NR6A1: variants seen among roughly 807,000 people sequenced by gnomAD.
NR6A1 encodes the protein retinoic acid receptor-related testis-associated receptor.
In NR6A1, 7 loss-of-function variants were observed where a neutral mutation model predicts 59.1. The ratio of observed to expected loss-of-function variants is 0.12; its 90% CI spans 0.07 to 0.22. The LOEUF (loss-of-function observed/expected upper bound fraction) is 0.22, where lower values mean the gene tolerates loss of function less well. NR6A1 is among the 10% of genes least tolerant of loss of function. NR6A1 has a pLI of 1.00. For missense variants in NR6A1, 468 were observed against 611.6 expected (o/e 0.77, Z 2.48); for synonymous variants, 243 against 236.1 (o/e 1.03, Z -0.27).
chr9:124,637,755 G>T (rs942765762), intron 2 of NR6A1, among the ~76,000 whole-genome samples: 1 of 152,014 alleles, frequency 6.6e-6, no homozygotes. Flanking sequence ...AGCCGGGTGT[G>T]TTGGCACACG....
intron 2 of NR6A1, among the ~76,000 whole-genome samples, chr9:124,591,540 CAGT>C (rs994625163): frequency 6.6e-6 from 1 of 152,180 alleles, no homozygotes; most frequent in Non-Finnish European, 1.5e-5. Context: ...ACAGAAGCAG[CAGT>C]AGTTTTTGTT....
At chr9:124,598,280 T>C (rs1052429910) in intron 2 of NR6A1, among the ~76,000 whole-genome samples, 3 of 151,386 alleles carry the variant, frequency 2.0e-5, no homozygotes, top group Admixed American at 6.6e-5. Context: ...GAGGCTGCAG[T>C]GCGCTATGAT....
rs1298280409 is a variant in NR6A1, at chr9:124,538,283, C to T, written c.633G>A (p.Arg211=). Residue 211 remains arginine (R), a synonymous_variant, in exon 6 of 10, where the codon AGG becomes AGA. Coordinates refer to ENST00000487099, the MANE Select transcript of NR6A1 (RefSeq NM_033334.4). ...SVELNGFMAF[R]EQYMGMSVPP... ...GCACAGACATTCCCATGTACTGTTC[C>T]CTGAAGGCCATGAATCCATTCAGTT... is the stretch of plus-strand genomic sequence containing the variant. 2 of 1,614,052 alleles carry T rather than the reference C, an allele frequency of 1.2e-6. No homozygotes were observed. The highest frequency in any genetic ancestry group is 2.2e-5 in the South Asian group (2 of 91,064).
intron 2 of NR6A1, among the ~76,000 whole-genome samples, chr9:124,642,921 G>A (rs780231824): frequency 1.8e-4 from 27 of 152,298 alleles, no homozygotes; most frequent in Admixed American, 1.5e-3. Flanking sequence ...CAGAGGGTCA[G>A]GTGGATGGAA....
intron 9 of NR6A1, 67 bp from the exon 10 acceptor site, chr9:124,522,860 T>C: frequency 2.3e-6 from 3 of 1,293,374 alleles, no homozygotes; most frequent in South Asian, 2.5e-5. Context: ...GTCAGCCTCC[T>C]TGGGCTGGTG....
chr9:124,766,740 C>T (rs1333659019), intron 1 of NR6A1, among the ~76,000 whole-genome samples: 1 of 152,106 alleles, frequency 6.6e-6, no homozygotes, highest in African/African-American at 2.4e-5. Flanking sequence ...ATGACCAGCC[C>T]CAAAGATCTC....
intron 1 of NR6A1, among the ~76,000 whole-genome samples, chr9:124,758,374 C>T (rs1840694943): frequency 1.3e-5 from 2 of 152,130 alleles, no homozygotes; most frequent in African/African-American, 4.8e-5. Context: ...AATGAATCAA[C>T]GTTCTCAAAT....
intron 2 of NR6A1, among the ~76,000 whole-genome samples, chr9:124,687,595 T>C (rs1462780354): frequency 6.6e-6 from 1 of 152,166 alleles, no homozygotes; most frequent in African/African-American, 2.4e-5. Flanking sequence ...ATATACAACT[T>C]AACCTTTGAG....
At position 124,677,293 on chromosome 9, in the gene NR6A1, T is replaced by G. The variant is rs184366629; in HGVS notation, c.142+56015A>C. On this transcript the variant is annotated intron_variant, in intron 2 of 9. Coordinates refer to ENST00000487099, the MANE Select transcript of NR6A1 (RefSeq NM_033334.4). Reference sequence around the variant, plus strand: ...TTTCTTCTGGAGACAGAGTCTCACTTTGTCACGCAGGTTGGAGTGTAGTGG... The same window carrying G: ...TTTCTTCTGGAGACAGAGTCTCACTGTGTCACGCAGGTTGGAGTGTAGTGG... Among the ~76,000 whole-genome samples the G allele has an allele frequency of 3.3e-5, 5 of 152,294 alleles. No individual in the cohort carries two copies. The East Asian group carries it at 7.7e-4, about 24-fold the overall frequency.
At chr9:124,765,871 C>G (rs923884039) in intron 1 of NR6A1, among the ~76,000 whole-genome samples, 18 of 152,206 alleles carry the variant, frequency 1.2e-4, no homozygotes, top group African/African-American at 4.3e-4. Flanking sequence ...ATGCTCTCCT[C>G]TTTTTCCTGT....
chr9:124,688,050 A>C (rs1262687054), intron 2 of NR6A1, among the ~76,000 whole-genome samples: 5 of 152,200 alleles, frequency 3.3e-5, no homozygotes, highest in Non-Finnish European at 1.5e-5. Context: ...GGCTGGGCAC[A>C]GTGGCTCATG....
chr9:124,627,389 C>T (rs1400551235), intron 2 of NR6A1, among the ~76,000 whole-genome samples: 1 of 152,066 alleles, frequency 6.6e-6, no homozygotes, highest in Non-Finnish European at 1.5e-5. Context: ...CATTTTTTCC[C>T]TTCCTCCACT....
chr9:124,733,837 T>G (rs562529598), intron 1 of NR6A1, among the ~76,000 whole-genome samples: 2 of 152,288 alleles, frequency 1.3e-5, no homozygotes, highest in African/African-American at 4.8e-5. Flanking sequence ...TGCTGAAGAA[T>G]TTTACCTACA....
At chr9:124,689,123 T>A (rs1489078853) in intron 2 of NR6A1, among the ~76,000 whole-genome samples, 1 of 152,210 alleles carries the variant, frequency 6.6e-6, no homozygotes, top group Non-Finnish European at 1.5e-5. Context: ...TTAGCATATA[T>A]GGCCTGGAAG....
At chr9:124,535,423 C>A (rs1238494943) in intron 7 of NR6A1, among the ~76,000 whole-genome samples, 1 of 151,532 alleles carries the variant, frequency 6.6e-6, no homozygotes, top group African/African-American at 2.4e-5. Flanking sequence ...ACTAAAAATA[C>A]AAAAATTAGC....
At chr9:124,715,310 GC>G (rs1282110106) in intron 2 of NR6A1, among the ~76,000 whole-genome samples, 1 of 152,006 alleles carries the variant, frequency 6.6e-6, no homozygotes, top group Non-Finnish European at 1.5e-5. Context: ...GTAGCTTGTG[GC>G]CCTAAATTTA....
chr9:124,564,573 TGAA>T (rs1834178031), intron 2 of NR6A1, among the ~76,000 whole-genome samples: 1 of 152,158 alleles, frequency 6.6e-6, no homozygotes, highest in Admixed American at 6.5e-5. Flanking sequence ...TAAGATAAGC[TGAA>T]GAAGGTTTTT....
chr9:124,697,493 A>G (rs1489213593), intron 2 of NR6A1, among the ~76,000 whole-genome samples: 2 of 152,160 alleles, frequency 1.3e-5, no homozygotes, highest in Non-Finnish European at 2.9e-5. Flanking sequence ...ATGTATAAGT[A>G]AAGACTTCAA....
At chr9:124,603,396 C>T (rs139574695) in intron 2 of NR6A1, among the ~76,000 whole-genome samples, 3 of 152,144 alleles carry the variant, frequency 2.0e-5, no homozygotes, top group South Asian at 2.1e-4. Context: ...TCTTACCTCA[C>T]GACAGGTTTT....
Sources: allele counts gnomAD v4.1 joint callset (sites outside exome capture counted in the v4.1 genomes callset), GRCh38; gene constraint gnomAD v4.1.1; transcripts MANE v1.5; gene names NCBI Gene and HGNC (gene_info 2026-07-23, HGNC 2026-07-21).